Variants in PHF21B observed in about 807,000 individuals in gnomAD.
PHF21B encodes PHD finger protein 4.
In PHF21B, 22 loss-of-function variants were observed where a neutral mutation model predicts 62.2. The ratio of observed to expected loss-of-function variants is 0.35; its 90% CI spans 0.25 to 0.51. The LOEUF (loss-of-function observed/expected upper bound fraction) is 0.51, where lower values mean the gene tolerates loss of function less well. Among genes scored for constraint, PHF21B ranks in the 20% least tolerant of loss-of-function variants. The probability of loss-of-function intolerance (pLI) is 0.97; values close to 1 mark genes in which losing one functional copy is unlikely to be tolerated. For missense variants in PHF21B, 701 were observed against 707.9 expected, an observed-to-expected ratio of 0.99 and a Z score of 0.11; for synonymous variants, 341 against 314.7, an observed-to-expected ratio of 1.08 and a Z score of -0.88.
chr22:44,941,293 C>T (rs746075885), intron 2 of PHF21B, among the ~76,000 whole-genome samples: 1 of 152,184 alleles, frequency 6.6e-6, no homozygotes, highest in African/African-American at 2.4e-5. Flanking sequence ...CAAGCTACAC[C>T]GCGCCATGCC....
In PHF21B at chr22:44,890,595, C is replaced by G. The variant is rs185158752; in HGVS notation, c.1015+711G>C. Among the ~76,000 whole-genome samples, 4 of 152,318 alleles carry G rather than the reference C, an allele frequency of 2.6e-5. No individual in the cohort carries two copies. The East Asian group carries it at 7.7e-4, about 29-fold the overall frequency. On this transcript the variant is annotated intron_variant, in intron 8 of 12. Transcript: ENST00000313237. ...GACATGTTGAAAGCTACACAGAATCCCAGCAAGCTGGTCGTCATTTCCTGC... is the reference window on the plus strand; with the variant it reads ...GACATGTTGAAAGCTACACAGAATCGCAGCAAGCTGGTCGTCATTTCCTGC...
chr22:44,953,861 G>A (rs1454425381), intron 2 of PHF21B, among the ~76,000 whole-genome samples: 3 of 152,216 alleles, frequency 2.0e-5, no homozygotes, highest in Non-Finnish European at 4.4e-5. Flanking sequence ...GCATGATCAT[G>A]CCCATCCAAC....
intron 5 of PHF21B, among the ~76,000 whole-genome samples, chr22:44,899,157 G>A (rs377369978): frequency 4.0e-4 from 61 of 152,240 alleles, no homozygotes; most frequent in African/African-American, 1.4e-3. Context: ...AGGAAGCTCT[G>A]AGGATGAGGG....
At chr22:44,892,358 A>G (rs1466972798) in intron 7 of PHF21B, among the ~76,000 whole-genome samples, 1 of 152,234 alleles carries the variant, frequency 6.6e-6, no homozygotes, top group Non-Finnish European at 1.5e-5. Context: ...GGACAGGCTG[A>G]TGAGGCCAGA....
chr22:44,888,093 G>T lies in PHF21B; in HGVS notation c.1067C>A (p.Ala356Asp). 1 of 1,544,158 alleles carries T rather than the reference G, an allele frequency of 6.5e-7. No homozygotes were observed. The highest frequency in any genetic ancestry group is 1.2e-5 in the South Asian group (1 of 83,164). ...CAGGTTGGCCCCTCGCTTGCAGGCG[G>T]CACAGTGCTCATCGTGGGTGATCTC... ...KNEITHDEHC[A>D]ACKRGANLQP... Residue 356 changes from alanine (A) to aspartate (D), a missense_variant, in exon 10 of 13, where the codon GCC (alanine) becomes GAC (aspartate). Coordinates refer to ENST00000313237, the MANE Select transcript of PHF21B (RefSeq NM_138415.5).
intron 2 of PHF21B, among the ~76,000 whole-genome samples, chr22:44,964,666 T>C (rs572819397): frequency 3.3e-5 from 5 of 152,392 alleles, no homozygotes; most frequent in Admixed American, 6.5e-5. Flanking sequence ...CAAGTTCCCA[T>C]GTGACTTTAG....
chr22:44,912,539 T>C (rs1171250544), intron 5 of PHF21B, among the ~76,000 whole-genome samples: 1 of 152,194 alleles, frequency 6.6e-6, no homozygotes, highest in African/African-American at 2.4e-5. Context: ...AGCTCTCTCT[T>C]TGCCTGCCGC....
intron 2 of PHF21B, among the ~76,000 whole-genome samples, chr22:44,965,336 C>T (rs1332571909): frequency 2.0e-5 from 3 of 152,066 alleles, no homozygotes; most frequent in African/African-American, 4.8e-5. Context: ...GATGTGGGTC[C>T]TTTGGGTCTG....
At position 44,940,765 on chromosome 22, in the gene PHF21B, C is replaced by T. The variant is rs544111349; in HGVS notation, c.121-20275G>A. 9.2e-5 allele frequency among the ~76,000 whole-genome samples: 14 copies of T among 152,196 alleles called. No homozygotes were observed. In the South Asian group the frequency reaches 2.1e-3, roughly 23 times the overall value. Reference sequence around the variant, plus strand: ...CAACAGCTGGGACCTTCCAGAGCCCCGGTCAGCTGGACAAGGCTCAGGGAC... The same window carrying T: ...CAACAGCTGGGACCTTCCAGAGCCCTGGTCAGCTGGACAAGGCTCAGGGAC... On this transcript the variant is annotated intron_variant, in intron 2 of 12. Transcript: ENST00000313237.
intron 2 of PHF21B, among the ~76,000 whole-genome samples, chr22:44,924,771 C>T (rs1488147798): frequency 1.3e-5 from 2 of 152,194 alleles, no homozygotes; most frequent in African/African-American, 2.4e-5. Flanking sequence ...CAGACTAGGA[C>T]ATTTATGATA....
At chr22:45,003,699 T>C (rs1440412030) in intron 2 of PHF21B, 4 of 151,992 alleles carry the variant, frequency 2.6e-5, no homozygotes, top group Non-Finnish European at 5.9e-5. Context: ...GGGCCCAGAG[T>C]AGACGCAGCA....
At chr22:44,935,627 CAAACA>C (rs1447485641) in intron 2 of PHF21B, among the ~76,000 whole-genome samples, 39 of 27,308 alleles carry the variant, frequency 1.4e-3, no homozygotes, top group Admixed American at 3.2e-3. Flanking sequence ...AACAAACAAA[CAAACA>C]AAAAAAAAAC....
intron 2 of PHF21B, among the ~76,000 whole-genome samples, chr22:44,987,713 C>T (rs1244495041): frequency 6.6e-6 from 1 of 151,964 alleles, no homozygotes; most frequent in Non-Finnish European, 1.5e-5. Context: ...TGAGGGCAGG[C>T]ATTGAGGTTT....
chr22:44,993,880 G>A (rs1443149468), intron 2 of PHF21B, among the ~76,000 whole-genome samples: 3 of 152,154 alleles, frequency 2.0e-5, no homozygotes, highest in Admixed American at 2.0e-4. Flanking sequence ...CAAACCTTCT[G>A]CCTGTGAAGA....
intron 2 of PHF21B, among the ~76,000 whole-genome samples, chr22:44,953,368 C>T (rs190470945): frequency 6.6e-6 from 1 of 152,308 alleles, no homozygotes; most frequent in African/African-American, 2.4e-5. Context: ...CCCCTCCCTA[C>T]CCCTCCCTGC....
chr22:44,889,898 A>G, intron 8 of PHF21B, 116 bp from the exon 9 acceptor site: 2 of 1,088,106 alleles, frequency 1.8e-6, no homozygotes, highest in Non-Finnish European at 2.5e-6. Context: ...GCATGATGGG[A>G]GCATCATAAG....
At chr22:44,963,577 C>T (rs577682276) in intron 2 of PHF21B, among the ~76,000 whole-genome samples, 8 of 152,310 alleles carry the variant, frequency 5.3e-5, no homozygotes, top group Non-Finnish European at 8.8e-5. Flanking sequence ...AAGAAGAGAA[C>T]GGATAAGAAG....
intron 2 of PHF21B, among the ~76,000 whole-genome samples, chr22:44,929,278 C>T (rs190060317): frequency 3.3e-5 from 5 of 152,336 alleles, no homozygotes; most frequent in African/African-American, 7.2e-5. Context: ...CAGGAACGAA[C>T]GAGCTGGTTC....
At chr22:44,958,205 A>C (rs531609119) in intron 2 of PHF21B, among the ~76,000 whole-genome samples, 1 of 151,996 alleles carries the variant, frequency 6.6e-6, no homozygotes, top group African/African-American at 2.4e-5. Context: ...GACAGCCCCC[A>C]TCCCTGGGCA....
Sources: allele counts gnomAD v4.1 joint callset (sites outside exome capture counted in the v4.1 genomes callset), GRCh38; gene constraint gnomAD v4.1.1; transcripts MANE v1.5; gene names NCBI Gene and HGNC (gene_info 2026-07-23, HGNC 2026-07-21).